AGAP1: variants seen among roughly 807,000 people sequenced by gnomAD.
The protein encoded by AGAP1 is ArfGAP with GTPase domain, ankyrin repeat and PH domain 1, also known as arf-GAP with GTPase, ANK repeat and PH domain-containing protein 1.
AGAP1 carries 29 observed loss-of-function variants against 105.3 expected under a neutral mutation model. The observed-to-expected ratio is 0.28, with a 90% CI of 0.21 to 0.38. The LOEUF (loss-of-function observed/expected upper bound fraction) is 0.38. Among genes scored for constraint, AGAP1 ranks in the 10% least tolerant of loss-of-function variants. AGAP1 has a pLI of 1.00. For missense variants in AGAP1, 998 were observed against 1,165.1 expected, an observed-to-expected ratio of 0.86 and a Z score of 2.09; for synonymous variants, 509 against 485.9, an observed-to-expected ratio of 1.05 and a Z score of -0.63.
At position 236,040,880 on chromosome 2, in the gene AGAP1, A is replaced by C; in HGVS notation, c.1891+39A>C. On this transcript the variant is annotated intron_variant, in intron 15 of 17. Transcript: ENST00000304032. The surrounding 1 kb of genome is among the most constrained non-coding windows in gnomAD (Gnocchi z 5.6). ...GTGGTAGCAGGGGCTGGCGCTGTGT[A>C]GCTGGAGACCACATGGTCCCACTAG... 6.2e-7 allele frequency: 1 copy of C among 1,608,518 alleles called. No individual in the cohort carries two copies. The highest frequency in any genetic ancestry group is 8.5e-7 in the Non-Finnish European group (1 of 1,175,286).
At position 236,101,006 on chromosome 2, in the gene AGAP1, T is replaced by C. The variant is rs1206455718; in HGVS notation, c.2115-19186T>C. Among the ~76,000 whole-genome samples the C allele has an allele frequency of 6.6e-6, 1 of 152,128 alleles. No homozygotes were observed. Among genetic ancestry groups the C allele is most frequent in the Non-Finnish European group, 1.5e-5 (1 of 68,026 alleles). On this transcript the variant is annotated intron_variant, in intron 16 of 17. Coordinates refer to ENST00000304032, the MANE Select transcript of AGAP1 (RefSeq NM_001037131.3). This position sits in a 1 kb window ranked among gnomAD's most constrained non-coding sequence, Gnocchi z 4.9. ...TGCAGGGCAACCCCACTGCAAAGAA[T>C]GTGAGCATCAGCTAGGCTGACACAG... is the stretch of plus-strand genomic sequence containing the variant.
intron 16 of AGAP1, among the ~76,000 whole-genome samples, chr2:236,064,506 G>A (rs1314261578): frequency 1.3e-5 from 2 of 152,230 alleles, no homozygotes; most frequent in Non-Finnish European, 2.9e-5. Flanking sequence ...TGAGGCAGGA[G>A]ACTCACTTGA....
chr2:235,652,597 A>G (rs1042971663), intron 1 of AGAP1, among the ~76,000 whole-genome samples: 1 of 152,172 alleles, frequency 6.6e-6, no homozygotes, highest in Non-Finnish European at 1.5e-5. Context: ...GAACAGAAAC[A>G]TAAGTGATCC....
In AGAP1 at chr2:236,104,922, G is replaced by A. The variant is rs970515738; in HGVS notation, c.2115-15270G>A. Among the ~76,000 whole-genome samples the A allele has an allele frequency of 2.6e-5, 4 of 152,040 alleles. No homozygotes were observed. The highest frequency in any genetic ancestry group is 4.8e-5 in the African/African-American group (2 of 41,410). ...CTCAAGGAAAAAAAAAAGGACTAGC[G>A]TGCACAGAGCCCTCGAGGTACCAGA... On this transcript the variant is annotated intron_variant, in intron 16 of 17. Transcript: ENST00000304032. The surrounding 1 kb of genome is among the most constrained non-coding windows in gnomAD (Gnocchi z 4.7).
chr2:236,079,256 A>G (rs1238548653), intron 16 of AGAP1, among the ~76,000 whole-genome samples: 3,267 of 149,652 alleles, frequency 0.022, 51 homozygotes, highest in African/African-American at 0.048. Flanking sequence ...ACGGTGGCTT[A>G]CACCTGTAAT....
intron 12 of AGAP1, among the ~76,000 whole-genome samples, chr2:235,946,081 A>G (rs2053485939): frequency 6.7e-6 from 1 of 148,964 alleles, no homozygotes; most frequent in Admixed American, 6.6e-5. Context: ...GGAGACACAG[A>G]TCCAAATTAT....
At chr2:235,914,883 G>A (rs534331797) in intron 11 of AGAP1, among the ~76,000 whole-genome samples, 6 of 152,334 alleles carry the variant, frequency 3.9e-5, no homozygotes, top group East Asian at 1.9e-4. Flanking sequence ...AGCATGCATC[G>A]GAACAGGCAG....
chr2:235,835,562 T>C (rs2106364868), intron 9 of AGAP1, among the ~76,000 whole-genome samples: 1 of 152,366 alleles, frequency 6.6e-6, no homozygotes, highest in East Asian at 1.9e-4. Flanking sequence ...CTTAGCACTT[T>C]GTCCATTACT....
chr2:236,033,946 G>A (rs1037753125), intron 13 of AGAP1, among the ~76,000 whole-genome samples: 2 of 152,164 alleles, frequency 1.3e-5, no homozygotes, highest in African/African-American at 2.4e-5. Context: ...ACATGCATTT[G>A]AATTTCACAG....
chr2:235,560,851 C>G (rs1251263063), intron 1 of AGAP1, among the ~76,000 whole-genome samples: 1 of 152,220 alleles, frequency 6.6e-6, no homozygotes, highest in Non-Finnish European at 1.5e-5. Flanking sequence ...TGCACCTCCC[C>G]TTTCCAACCT....
At chr2:236,033,174 G>A (rs539050973) in intron 13 of AGAP1, among the ~76,000 whole-genome samples, 1 of 152,292 alleles carries the variant, frequency 6.6e-6, no homozygotes, top group Admixed American at 6.5e-5. Context: ...GAACTTGGGA[G>A]GCGGAGGTTG....
At chr2:235,826,506 G>T (rs930139976) in intron 9 of AGAP1, among the ~76,000 whole-genome samples, 2 of 151,984 alleles carry the variant, frequency 1.3e-5, no homozygotes, top group African/African-American at 4.8e-5. Context: ...CTGGAGTGCA[G>T]TGGCACGATC....
chr2:235,619,364 A>T (rs1946404816), intron 1 of AGAP1, among the ~76,000 whole-genome samples: 1 of 145,524 alleles, frequency 6.9e-6, no homozygotes, highest in Non-Finnish European at 1.5e-5. Flanking sequence ...GGGAGCTGGG[A>T]TTCAATCCTG....
At chr2:235,755,950 G>A (rs1347132036) in intron 6 of AGAP1, among the ~76,000 whole-genome samples, 2 of 152,274 alleles carry the variant, frequency 1.3e-5, no homozygotes, top group East Asian at 3.9e-4. Flanking sequence ...ATAACTTAGT[G>A]ACAAAAATAA....
intron 1 of AGAP1, among the ~76,000 whole-genome samples, chr2:235,570,531 CCTGT>C (rs1423295339): frequency 6.6e-6 from 1 of 152,218 alleles, no homozygotes; most frequent in African/African-American, 2.4e-5. Flanking sequence ...GCCTCCCGTT[CCTGT>C]CTTTCTTTGC....
intron 1 of AGAP1, among the ~76,000 whole-genome samples, chr2:235,634,294 A>G (rs1026978607): frequency 6.6e-6 from 1 of 152,208 alleles, no homozygotes; most frequent in African/African-American, 2.4e-5. Context: ...GTACCTGTGT[A>G]TTTCATCGAC....
At position 235,900,709 on chromosome 2, in the gene AGAP1, T is replaced by C. The variant is rs1342271801; in HGVS notation, c.1156-8029T>C. 6.6e-6 allele frequency among the ~76,000 whole-genome samples: 1 copy of C among 152,182 alleles called. No individual in the cohort carries two copies. The highest frequency in any genetic ancestry group is 1.5e-5 in the Non-Finnish European group (1 of 68,032). On this transcript the variant is annotated intron_variant, in intron 10 of 17. Transcript: ENST00000304032. This position sits in a 1 kb window ranked among gnomAD's most constrained non-coding sequence, Gnocchi z 5.5. ...TCCACCATTCTATTAATCCAGCTGC[T>C]TCAGGATGATGGGGAACATGGTAAG...
rs1946527970 is a variant in AGAP1, at chr2:235,622,812, A to G, written c.164-86367A>G. Among the ~76,000 whole-genome samples the G allele has an allele frequency of 6.6e-6, 1 of 152,084 alleles. No individual in the cohort carries two copies. Among genetic ancestry groups the G allele is most frequent in the Non-Finnish European group, 1.5e-5 (1 of 68,026 alleles). ...TGCAGTGAGACTTCAGGGCAGGCACACATGTCGCTTCCTGCACCCACACTG... is the reference window on the plus strand; with the variant it reads ...TGCAGTGAGACTTCAGGGCAGGCACGCATGTCGCTTCCTGCACCCACACTG... On this transcript the variant is annotated intron_variant, in intron 1 of 17. Transcript: ENST00000304032. This position sits in a 1 kb window ranked among gnomAD's most constrained non-coding sequence, Gnocchi z 5.0.
Position 235,787,508 on chromosome 2 carries a change from G to A in AGAP1, c.674-10251G>A, listed in dbSNP as rs549709537. 5.3e-5 allele frequency among the ~76,000 whole-genome samples: 8 copies of A among 152,312 alleles called. No homozygotes were observed. The highest frequency in any genetic ancestry group is 1.9e-4 in the African/African-American group (8 of 41,574). ...ATTGGGAGAGAAAGGTGCAGACAAG[G>A]TGTGCAGGAGGTGGATGTGATGTTG... On this transcript the variant is annotated intron_variant, in intron 6 of 17. Transcript: ENST00000304032. The surrounding 1 kb of genome is among the most constrained non-coding windows in gnomAD (Gnocchi z 4.4).
Sources: gnomAD v4.1 joint callset for allele counts (sites outside exome capture counted in the v4.1 genomes callset) on GRCh38, gnomAD v4.1.1 for gene constraint, Gnocchi (gnomAD v3.1) non-coding constraint, MANE v1.5 for transcripts, NCBI Gene and HGNC (gene_info 2026-07-23, HGNC 2026-07-21) for gene names.